The following KIF5A variants were observed in gnomAD, a reference collection of about 807,000 sequenced individuals.
KIF5A encodes the protein kinesin heavy chain isoform 5A.
Under a neutral mutation model 141.3 loss-of-function variants are expected in KIF5A, and 35 were observed. That is an observed-to-expected ratio of 0.25 (90% CI 0.19 to 0.33). The LOEUF (loss-of-function observed/expected upper bound fraction) is 0.33. Ranked by LOEUF, KIF5A falls within the 10% of genes least tolerant of loss-of-function variation. The pLI is 1.00. For missense variants in KIF5A, 861 were observed against 1,314.3 expected (o/e 0.66, Z 5.33); for synonymous variants, 448 against 500.2 (o/e 0.90, Z 1.39).
At chr12:57,555,363 G>A (rs1359824632) in intron 1 of KIF5A, among the ~76,000 whole-genome samples, 2 of 152,008 alleles carry the variant, frequency 1.3e-5, no homozygotes, top group African/African-American at 4.8e-5. Context: ...TGTACAAGGA[G>A]CAGTAATGAA....
At chr12:57,568,625 T>C (rs1157871529) in intron 8 of KIF5A, among the ~76,000 whole-genome samples, 2 of 151,826 alleles carry the variant, frequency 1.3e-5, no homozygotes, top group Non-Finnish European at 2.9e-5. Context: ...CTCAGGAGGC[T>C]GAGGCAGGAT....
intron 1 of KIF5A, among the ~76,000 whole-genome samples, chr12:57,554,479 T>C (rs1196190572): frequency 1.3e-5 from 2 of 152,196 alleles, no homozygotes; most frequent in Non-Finnish European, 2.9e-5. Flanking sequence ...CACTTTTCCT[T>C]TTTACTAATT....
intron 1 of KIF5A, among the ~76,000 whole-genome samples, chr12:57,555,639 G>A (rs1881708499): frequency 6.6e-6 from 1 of 151,624 alleles, no homozygotes; most frequent in Admixed American, 6.6e-5. Flanking sequence ...GGCTGGGCAC[G>A]GTGGCTCACG....
Position 57,572,506 on chromosome 12 carries a change from G to A in KIF5A, c.1570-74G>A. 6.3e-7 allele frequency: 1 copy of A among 1,592,288 alleles called. No individual in the cohort carries two copies. The highest frequency in any genetic ancestry group is 8.6e-7 in the Non-Finnish European group (1 of 1,163,302). On this transcript the variant is annotated intron_variant, in intron 14 of 28. Transcript: ENST00000455537. The surrounding 1 kb of genome is among the most constrained non-coding windows in gnomAD (Gnocchi z 4.2). ...GCAGCCCTCAGGGTCTTGCATGAAG[G>A]GAGAGGCCTCTGCCTGGGCTGGGCA...
At chr12:57,556,462 A>G (rs1881747978) in intron 1 of KIF5A, among the ~76,000 whole-genome samples, 1 of 151,996 alleles carries the variant, frequency 6.6e-6, no homozygotes, top group Non-Finnish European at 1.5e-5. Context: ...TTTTAGACTC[A>G]GATCTGAGAA....
chr12:57,569,680 A>C lies in KIF5A; in HGVS notation c.1114A>C (p.Asn372His). 6.2e-7 allele frequency: 1 copy of C among 1,613,584 alleles called. No homozygotes were observed. The highest frequency in any genetic ancestry group is 8.5e-7 in the Non-Finnish European group (1 of 1,179,998). Residue 372 changes from asparagine to histidine, a missense_variant, in exon 11 of 29, where the codon AAT becomes CAT. Coordinates refer to ENST00000455537, the MANE Select transcript of KIF5A (RefSeq NM_004984.4). The part of the protein sequence containing the change: ...KLEAELSRWR[N>H]GENVPETERL... ...GGAGGCTGAGCTGAGCCGGTGGCGC[A>C]ATGGTTAGAGAGGGATAGGTGGGAG...
intron 6 of KIF5A, among the ~76,000 whole-genome samples, 169 bp from the exon 7 acceptor site, chr12:57,566,957 T>C (rs567309599): frequency 6.6e-6 from 1 of 152,066 alleles, no homozygotes; most frequent in South Asian, 2.1e-4. Context: ...AGAGAATCGC[T>C]TGAACCTGGG....
chr12:57,561,700 C>T (rs921115412), intron 1 of KIF5A, among the ~76,000 whole-genome samples: 9 of 152,016 alleles, frequency 5.9e-5, no homozygotes, highest in Admixed American at 1.3e-4. Flanking sequence ...ATATAATGCT[C>T]GTACATAGTT....
chr12:57,575,747 C>G lies in KIF5A; in HGVS notation c.2013C>G (p.Leu671=), dbSNP rs1201465413. ...YDSLSDELAK[L]QAQETVHEVA... is the part of the protein sequence containing the mutation. ...CCTTGAGCGATGAGCTGGCCAAGCT[C>G]CAGGCCCAGGGTGAGGCCTTCTTAT... The change falls in exon 17 of 29, where the codon CTC becomes CTG. Residue 671 remains leucine, a synonymous_variant. Coordinates refer to ENST00000455537, the MANE Select transcript of KIF5A (RefSeq NM_004984.4). The G allele has an allele frequency of 1.2e-6, 2 of 1,612,846 alleles. No homozygotes were observed. Among genetic ancestry groups the G allele is most frequent in the Non-Finnish European group, 8.5e-7 (1 of 1,178,936 alleles).
In KIF5A at chr12:57,563,678, A is replaced by G. The variant is rs1444478063; in HGVS notation, c.276A>G (p.Lys92=). ...IFAYGQTSSG[K]THTMEGKLHD... is the part of the protein sequence containing the mutation. ...CTTATGGACAGACATCCTCAGGGAA[A>G]ACACATACCATGGAGGTGAGGGTTC... is the stretch of plus-strand genomic sequence containing the variant. The change falls in exon 3 of 29, where the codon AAA becomes AAG. Residue 92 remains lysine (K), a synonymous_variant. Coordinates refer to ENST00000455537, the MANE Select transcript of KIF5A (RefSeq NM_004984.4). 1 of 1,614,046 alleles carries G rather than the reference A, an allele frequency of 6.2e-7. No individual in the cohort carries two copies. The highest frequency in any genetic ancestry group is 8.5e-7 in the Non-Finnish European group (1 of 1,179,934).
intron 1 of KIF5A, among the ~76,000 whole-genome samples, chr12:57,556,929 G>A (rs1881765953): frequency 7.9e-5 from 12 of 152,050 alleles, no homozygotes; most frequent in Admixed American, 7.9e-4. Context: ...TGACTCATAT[G>A]TTAATATCCT....
chr12:57,583,082 G>C lies in KIF5A; in HGVS notation c.3021-19G>C. 1 of 1,603,768 alleles carries C rather than the reference G, an allele frequency of 6.2e-7. No individual in the cohort carries two copies. The highest frequency in any genetic ancestry group is 8.5e-7 in the Non-Finnish European group (1 of 1,171,086). On this transcript the variant is annotated intron_variant, in intron 27 of 28. Coordinates refer to ENST00000455537, the MANE Select transcript of KIF5A (RefSeq NM_004984.4). ...CTTTAATTTCTATGGAGCTGATCAT[G>C]GTGGGTCTCTTCCTCCAGGAGTGAC...
chr12:57,582,733 G>T, intron 27 of KIF5A, 104 bp downstream of exon 27: 2 of 948,312 alleles, frequency 2.1e-6, no homozygotes, highest in Non-Finnish European at 3.5e-6. Flanking sequence ...TTTGGGGAAG[G>T]GGGAGGGAGT....
At chr12:57,563,913 C>T (rs574672686) in intron 3 of KIF5A, among the ~76,000 whole-genome samples, 195 bp from the exon 4 acceptor site, 5 of 152,260 alleles carry the variant, frequency 3.3e-5, no homozygotes, top group African/African-American at 9.6e-5. Context: ...TTCTTTTGAT[C>T]GGGAAAAGCA....
At position 57,563,500 on chromosome 12, in the gene KIF5A, A is replaced by G. The variant is rs975867260; in HGVS notation, c.191A>G (p.His64Arg). ...AACACGACTCAAGAGCAAGTTTATC[A>G]TGCATGTGCCATGCAGATTGTCAAA... The part of the protein sequence containing the change: ...PPNTTQEQVY[H>R]ACAMQIVKDV... Residue 64 changes from histidine (H) to arginine (R), a missense_variant, in exon 2 of 29, where the codon CAT becomes CGT. Around this residue, in one of 5 missense-constraint regions of KIF5A, gnomAD observed 146 missense variants for 353.4 expected, o/e 0.41. Coordinates refer to ENST00000455537, the MANE Select transcript of KIF5A (RefSeq NM_004984.4). 6.2e-7 allele frequency: 1 copy of G among 1,613,464 alleles called. No individual in the cohort carries two copies. Among genetic ancestry groups the G allele is most frequent in the Non-Finnish European group, 8.5e-7 (1 of 1,179,412 alleles).
At chr12:57,557,114 C>A (rs980253138) in intron 1 of KIF5A, among the ~76,000 whole-genome samples, 1 of 152,036 alleles carries the variant, frequency 6.6e-6, no homozygotes, top group Non-Finnish European at 1.5e-5. Context: ...CATAATTATG[C>A]GCCTAATATA....
intron 28 of KIF5A, among the ~76,000 whole-genome samples, chr12:57,583,703 G>A (rs752760985): frequency 2.0e-5 from 3 of 152,178 alleles, no homozygotes; most frequent in Non-Finnish European, 4.4e-5. Flanking sequence ...CTTCCCATCT[G>A]TATATGCCAC....
intron 6 of KIF5A, 83 bp downstream of exon 6, chr12:57,565,056 A>G (rs1882021548): frequency 8.0e-7 from 1 of 1,257,612 alleles, no homozygotes; most frequent in African/African-American, 1.5e-5. Flanking sequence ...GTGACCCTGA[A>G]GTTGGAGGGT....
chr12:57,577,101 T>C (rs1401958008), intron 20 of KIF5A, among the ~76,000 whole-genome samples: 2 of 152,196 alleles, frequency 1.3e-5, no homozygotes, highest in African/African-American at 4.8e-5. Flanking sequence ...TACAAAACCA[T>C]ATGCATGGTA....
Sources: allele counts gnomAD v4.1 joint callset (sites outside exome capture counted in the v4.1 genomes callset), GRCh38; gene constraint gnomAD v4.1.1; regional missense constraint gnomAD v4.1.1; non-coding constraint Gnocchi (gnomAD v3.1); transcripts MANE v1.5; gene names NCBI Gene and HGNC (gene_info 2026-07-23, HGNC 2026-07-21).